Variants in DNM3 observed in about 807,000 individuals in gnomAD.
DNM3 encodes dynamin-3.
DNM3 carries 47 observed loss-of-function variants against 101.6 expected under a neutral mutation model. That is an observed-to-expected ratio of 0.46 (90% CI 0.37 to 0.59). DNM3 has a LOEUF of 0.59. Among genes scored for constraint, DNM3 ranks in the 20% least tolerant of loss-of-function variants. DNM3 has a pLI of 0.00. For synonymous variants in DNM3, 385 were observed against 387.9 expected (o/e 0.99, Z 0.09); for missense variants, 849 against 1,085.7 (o/e 0.78, Z 3.06).
intron 2 of DNM3, among the ~76,000 whole-genome samples, 158 bp from the exon 3 acceptor site, chr1:171,987,498 T>C (rs954642463): frequency 2.0e-5 from 3 of 152,326 alleles, no homozygotes; most frequent in South Asian, 2.1e-4. Context: ...ATTTCTAAAG[T>C]ATTAATTGTG....
chr1:172,323,801 C>G (rs1309586855), intron 17 of DNM3, among the ~76,000 whole-genome samples: 1 of 152,120 alleles, frequency 6.6e-6, no homozygotes, highest in Non-Finnish European at 1.5e-5. Context: ...CGAAACTGAA[C>G]TAGATCAGTG....
At chr1:171,906,383 C>T (rs1413179769) in intron 1 of DNM3, among the ~76,000 whole-genome samples, 1 of 152,026 alleles carries the variant, frequency 6.6e-6, no homozygotes, top group Non-Finnish European at 1.5e-5. Flanking sequence ...CTGTCTCAGC[C>T]TCTCAAACTC....
intron 2 of DNM3, among the ~76,000 whole-genome samples, chr1:171,949,654 C>T (rs1257713872): frequency 4.6e-5 from 7 of 151,936 alleles, no homozygotes; most frequent in African/African-American, 9.7e-5. Context: ...GGGCTCAAGC[C>T]GTTCTCCTGT....
intron 13 of DNM3, among the ~76,000 whole-genome samples, chr1:172,110,013 T>G (rs2055345560): frequency 6.6e-6 from 1 of 152,202 alleles, no homozygotes; most frequent in Non-Finnish European, 1.5e-5. Context: ...TTTGTTTTGG[T>G]GCAAACAAAA....
chr1:172,103,136 T>C (rs2054771193), intron 13 of DNM3, among the ~76,000 whole-genome samples: 1 of 152,118 alleles, frequency 6.6e-6, no homozygotes, highest in African/African-American at 2.4e-5. Flanking sequence ...CTCACCTCCA[T>C]AGCTACCACC....
chr1:172,385,478 G>T (rs554417865), intron 18 of DNM3, among the ~76,000 whole-genome samples: 2 of 152,270 alleles, frequency 1.3e-5, no homozygotes, highest in East Asian at 3.9e-4. Context: ...ACTCCACAGA[G>T]GGTTTCCTAA....
intron 15 of DNM3, among the ~76,000 whole-genome samples, chr1:172,305,784 C>A (rs1318903589): frequency 6.6e-6 from 1 of 152,220 alleles, no homozygotes; most frequent in Non-Finnish European, 1.5e-5. Flanking sequence ...AGAAAAACCA[C>A]ATGATTATCT....
intron 2 of DNM3, among the ~76,000 whole-genome samples, chr1:171,968,702 C>T (rs1250151856): frequency 1.3e-5 from 2 of 152,116 alleles, no homozygotes; most frequent in East Asian, 3.9e-4. Flanking sequence ...AACCGATGGC[C>T]TCCTATAACG....
chr1:172,401,480 A>G (rs1260215788), intron 20 of DNM3, among the ~76,000 whole-genome samples: 1 of 152,210 alleles, frequency 6.6e-6, no homozygotes, highest in Non-Finnish European at 1.5e-5. Flanking sequence ...ACCTGTTTGT[A>G]TCATCAAAAA....
intron 10 of DNM3, among the ~76,000 whole-genome samples, chr1:172,067,022 A>G (rs143838404): frequency 1.5e-3 from 235 of 152,042 alleles, no homozygotes; most frequent in African/African-American, 5.5e-3. Context: ...ATAATGTCAA[A>G]TTGCTTTCCA....
chr1:171,991,045 T>C (rs980023173), intron 4 of DNM3, among the ~76,000 whole-genome samples: 1 of 152,086 alleles, frequency 6.6e-6, no homozygotes. Context: ...TGAATTCTAG[T>C]GAGTTCAGCC....
Position 172,048,701 on chromosome 1 carries a change from A to T in DNM3, c.1286A>T (p.Asp429Val). ...AAAGGGCCTTCCTTGAAGAGTGTGG[A>T]TCTGGTAATACAAGAATTAATCAAC... ...KLKGPSLKSV[D>V]LVIQELINTV... The change falls in exon 10 of 21, where the codon GAT becomes GTT. Residue 429 changes from aspartate (D) to valine (V), a missense_variant. Physicochemically the swap from Asp to Val is radical, Grantham distance 152. Coordinates refer to ENST00000627582, the MANE Select transcript of DNM3 (RefSeq NM_015569.5). 1 of 1,613,626 alleles carries T rather than the reference A, an allele frequency of 6.2e-7. No individual in the cohort carries two copies. The highest frequency in any genetic ancestry group is 1.1e-5 in the South Asian group (1 of 91,042).
intron 14 of DNM3, among the ~76,000 whole-genome samples, chr1:172,211,656 A>G (rs541714255): frequency 6.6e-6 from 1 of 152,258 alleles, no homozygotes; most frequent in Non-Finnish European, 1.5e-5. Context: ...TCTGATACAT[A>G]ATGTCTAGTT....
At chr1:172,303,861 T>A (rs2064610799) in intron 15 of DNM3, among the ~76,000 whole-genome samples, 1 of 152,018 alleles carries the variant, frequency 6.6e-6, no homozygotes, top group African/African-American at 2.4e-5. Flanking sequence ...ACCTGCCTTA[T>A]AAGAGCTTCT....
At chr1:172,169,646 G>A (rs894286995) in intron 14 of DNM3, among the ~76,000 whole-genome samples, 1 of 151,786 alleles carries the variant, frequency 6.6e-6, no homozygotes, top group Non-Finnish European at 1.5e-5. Context: ...AATATTACTA[G>A]AATTAATAAT....
intron 1 of DNM3, among the ~76,000 whole-genome samples, chr1:171,908,332 A>G (rs919667185): frequency 1.3e-5 from 2 of 152,214 alleles, no homozygotes; most frequent in African/African-American, 4.8e-5. Flanking sequence ...GCATGTAGCT[A>G]TTACTGCATT....
intron 14 of DNM3, 116 bp downstream of exon 14, chr1:172,131,404 A>C: frequency 1.2e-6 from 1 of 815,274 alleles, no homozygotes; most frequent in Non-Finnish European, 1.9e-6. Flanking sequence ...AGTGAGATTA[A>C]GCTTGGAATG....
At chr1:172,362,978 T>C (rs948121991) in intron 17 of DNM3, among the ~76,000 whole-genome samples, 7 of 151,916 alleles carry the variant, frequency 4.6e-5, no homozygotes, top group African/African-American at 1.7e-4. Context: ...CACCTTTTTT[T>C]TAACTCCTTA....
At chr1:172,009,758 A>C (rs2046990305) in intron 4 of DNM3, among the ~76,000 whole-genome samples, 1 of 151,376 alleles carries the variant, frequency 6.6e-6, no homozygotes, top group Non-Finnish European at 1.5e-5. Flanking sequence ...TATATTATAG[A>C]TTTCAGTTTA....
Sources: allele counts gnomAD v4.1 joint callset (sites outside exome capture counted in the v4.1 genomes callset), GRCh38; gene constraint gnomAD v4.1.1; transcripts MANE v1.5; gene names NCBI Gene and HGNC (gene_info 2026-07-23, HGNC 2026-07-21).